The following CILP variants were observed in gnomAD, a reference collection of about 807,000 sequenced individuals.
CILP encodes cartilage intermediate layer protein 1.
In CILP, 75 loss-of-function variants were observed where a neutral mutation model predicts 82.5. The observed-to-expected ratio is 0.91, with a 90% CI of 0.75 to 1.10. The LOEUF (loss-of-function observed/expected upper bound fraction) is 1.10. CILP is among the 50% of genes least tolerant of loss of function. The probability of loss-of-function intolerance (pLI) is 0.00; values close to 1 mark genes in which losing one functional copy is unlikely to be tolerated. For synonymous variants in CILP, 530 were observed against 580.3 expected, an observed-to-expected ratio of 0.91 and a Z score of 1.25; for missense variants, 1,479 against 1,530.8, an observed-to-expected ratio of 0.97 and a Z score of 0.56.
In CILP at chr15:65,201,880, A is replaced by G; in HGVS notation, c.1178T>C (p.Ile393Thr). The G allele has an allele frequency of 6.5e-7, 1 of 1,549,380 alleles. No homozygotes were observed. The highest frequency in any genetic ancestry group is 1.2e-5 in the South Asian group (1 of 81,064). The change falls in exon 8 of 9, where the codon ATT becomes ACT. Residue 393 changes from isoleucine (I) to threonine (T), a missense_variant. By Grantham distance (89) the Ile-to-Thr change is moderately conservative. Transcript: ENST00000261883. ...GACCCAGACAGGCTTACCTATGACA[A>G]TCAGCTGGGCAACCTTGGACTTCAC... is the stretch of plus-strand genomic sequence containing the variant. ...GAVKSKVAQL[I>T]VIASDETPCN...
In CILP at chr15:65,201,977, G is replaced by C. The variant is rs772772706; in HGVS notation, c.1081C>G (p.Leu361Val). 6.2e-7 allele frequency: 1 copy of C among 1,605,566 alleles called. No homozygotes were observed. Among genetic ancestry groups the C allele is most frequent in the East Asian group, 2.3e-5 (1 of 43,908 alleles). Residue 361 changes from leucine to valine, a missense_variant, in exon 8 of 9, where the codon CTG becomes GTG. Physicochemically the swap from Leu to Val is conservative, Grantham distance 32. Coordinates refer to ENST00000261883, the MANE Select transcript of CILP (RefSeq NM_003613.4). Reference protein sequence around the residue: ...DPSLYKHESKLVLRKLQQHQA... With the variant: ...DPSLYKHESKVVLRKLQQHQA... ...TGCTGCTGCAGTTTCCTCAGCACCAGCTTGCTCTCATGCTTGTAGAGGGAA... is the reference window on the plus strand; with the variant it reads ...TGCTGCTGCAGTTTCCTCAGCACCACCTTGCTCTCATGCTTGTAGAGGGAA...
chr15:65,206,454 T>C (rs2088518238), intron 4 of CILP, among the ~76,000 whole-genome samples: 1 of 152,138 alleles, frequency 6.6e-6, no homozygotes. Flanking sequence ...CACATCATAT[T>C]GCGGGCTCAG....
intron 5 of CILP, among the ~76,000 whole-genome samples, chr15:65,204,851 T>G (rs1182969676): frequency 2.0e-5 from 3 of 152,092 alleles, no homozygotes; most frequent in Non-Finnish European, 4.4e-5. Flanking sequence ...AAACCTTGTC[T>G]CTACAAAAAA....
rs146865050 is a variant in CILP, at chr15:65,204,483, C to T, written c.704G>A (p.Gly235Asp). ...GATAGCAGCCCCTGAGGCTGGGGCACCTCCGGGAAGGGAGACAGCCCCATG... is the reference window on the plus strand; with the variant it reads ...GATAGCAGCCCCTGAGGCTGGGGCATCTCCGGGAAGGGAGACAGCCCCATG... ...MLHGAVSLPG[G>D]APASGAAIYL... Residue 235 changes from glycine (G) to aspartate (D), a missense_variant, in exon 6 of 9, where the codon GGT (glycine) becomes GAT (aspartate). Coordinates refer to ENST00000261883, the MANE Select transcript of CILP (RefSeq NM_003613.4). 3.7e-5 allele frequency: 60 copies of T among 1,613,808 alleles called. No homozygotes were observed. Among genetic ancestry groups the T allele is most frequent in the Non-Finnish European group, 4.8e-5 (57 of 1,179,958 alleles).
At position 65,196,587 on chromosome 15, in the gene CILP, C is replaced by T; in HGVS notation, c.*144G>A. On this transcript the variant is annotated 3_prime_UTR_variant, in exon 9 of 9. Transcript: ENST00000261883. The stretch of plus-strand genomic sequence containing the variant: ...CCACGTGCCAATCAGTAGCATGGGA[C>T]AAAGTAAGTAAAGGCATGAAGAAAC... 1.4e-6 allele frequency: 1 copy of T among 700,766 alleles called. No individual in the cohort carries two copies. The allele number at this position is 700,766 out of a possible 1,614,324, so 43.4% of individuals were successfully genotyped here. A position where few individuals can be genotyped will look rare whatever the true frequency, so the allele number is the denominator to read the frequency against.
intron 4 of CILP, 61 bp downstream of exon 4, chr15:65,206,721 C>T: frequency 6.5e-7 from 1 of 1,549,264 alleles, no homozygotes; most frequent in Non-Finnish European, 8.7e-7. Context: ...GCAGGTTCTC[C>T]CTCTCCCTGA....
At chr15:65,208,369 T>C (rs890381887) in intron 2 of CILP, among the ~76,000 whole-genome samples, 2 of 152,204 alleles carry the variant, frequency 1.3e-5, no homozygotes, top group Non-Finnish European at 2.9e-5. Flanking sequence ...CCATGTTCTT[T>C]CATCATAAAA....
chr15:65,196,618 A>T lies in CILP; in HGVS notation c.*113T>A, dbSNP rs2088364276. The T allele has an allele frequency of 1.0e-6, 1 of 976,772 alleles. No homozygotes were observed. Among genetic ancestry groups the T allele is most frequent in the African/African-American group, 1.6e-5 (1 of 61,320 alleles). The allele number at this position is 976,772 out of a possible 1,614,324, so 60.5% of individuals were successfully genotyped here. On this transcript the variant is annotated 3_prime_UTR_variant, in exon 9 of 9. Coordinates refer to ENST00000261883, the MANE Select transcript of CILP (RefSeq NM_003613.4). ...AAGTAAAGGCATGAAGAAACAAACA[A>T]GCAAATTCACGAAAACAGAAGTGCT...
intron 7 of CILP, among the ~76,000 whole-genome samples, chr15:65,203,003 T>C (rs2088476967): frequency 6.6e-6 from 1 of 151,950 alleles, no homozygotes; most frequent in Non-Finnish European, 1.5e-5. Flanking sequence ...ACCTGGCTAA[T>C]TTTTTGCATT....
rs897760452 is a variant in CILP, at chr15:65,198,678, C to A, written c.1608G>T (p.Arg536Ser). Residue 536 changes from arginine (R) to serine (S), a missense_variant, in exon 9 of 9, where the codon AGG (arginine) becomes AGT (serine). Physicochemically the swap from Arg to Ser is moderately radical, Grantham distance 110 (BLOSUM62 -1). Coordinates refer to ENST00000261883, the MANE Select transcript of CILP (RefSeq NM_003613.4). ...GCCTGTCCACAAATGTGAGCACCAG[C>A]CTCTCAGTGTCCTGGGGGACATGGA... ...FTLHVPQDTE[R>S]LVLTFVDRLQ... 1.2e-6 allele frequency: 2 copies of A among 1,614,124 alleles called. No homozygotes were observed.
chr15:65,209,833 C>G lies in CILP; in HGVS notation c.-78G>C. 7.5e-7 allele frequency: 1 copy of G among 1,327,330 alleles called. No individual in the cohort carries two copies. Among genetic ancestry groups the G allele is most frequent in the Non-Finnish European group, 1.1e-6 (1 of 925,580 alleles). The allele number at this position is 1,327,330 out of a possible 1,614,324, so 82.2% of individuals were successfully genotyped here. A position where few individuals can be genotyped will look rare whatever the true frequency, so the allele number is the denominator to read the frequency against. On this transcript the variant is annotated 5_prime_UTR_variant, in exon 2 of 9. Transcript: ENST00000261883. Reference sequence around the variant, plus strand: ...AGAGTCACTGACTCTGGAATGCGGTCCCCTGGGAAGTTTCTCAGATCCAGT... The same window carrying G: ...AGAGTCACTGACTCTGGAATGCGGTGCCCTGGGAAGTTTCTCAGATCCAGT...
At chr15:65,200,447 T>C (rs1236069053) in intron 8 of CILP, among the ~76,000 whole-genome samples, 2 of 31,568 alleles carry the variant, frequency 6.3e-5, no homozygotes, top group Admixed American at 8.6e-4. Flanking sequence ...ATTCTGTCCT[T>C]CTCTGCGTTT....
chr15:65,208,510 G>T (rs576651730), intron 2 of CILP, among the ~76,000 whole-genome samples: 2 of 152,282 alleles, frequency 1.3e-5, no homozygotes, highest in South Asian at 2.1e-4. Flanking sequence ...TTAGCTCAAC[G>T]CCAGAATAGA....
rs749769430 is a variant in CILP, at chr15:65,205,417, C to T, written c.474G>A (p.Trp158Ter). The change falls in exon 5 of 9, where the codon TGG (tryptophan) becomes TGA (stop). Residue 158 changes from tryptophan (W) to a stop codon, truncating the protein, a stop_gained. Transcript: ENST00000261883. LOFTEE classifies it high-confidence loss of function. ...TERIWSPWSP[W>*]SKCSAACGQT... ...GACCACAGGCAGCTGAGCACTTGCTCCAGGGAGACCATGGGCTCCAGATGC... is the reference window on the plus strand; with the variant it reads ...GACCACAGGCAGCTGAGCACTTGCTTCAGGGAGACCATGGGCTCCAGATGC... 1.2e-6 allele frequency: 2 copies of T among 1,613,956 alleles called. No individual in the cohort carries two copies. The highest frequency in any genetic ancestry group is 4.5e-5 in the East Asian group (2 of 44,868).
chr15:65,197,914 C>T lies in CILP; in HGVS notation c.2372G>A (p.Arg791Lys). The part of the protein sequence containing the change: ...EPRTGFLSNP[R>K]AWGRFDSVIT... Reference sequence around the variant, plus strand: ...GACACTGTCAAAGCGGCCCCAGGCCCTAGGGTTGGACAAGAAGCCAGTTCT... The same window carrying T: ...GACACTGTCAAAGCGGCCCCAGGCCTTAGGGTTGGACAAGAAGCCAGTTCT... Residue 791 changes from arginine to lysine, a missense_variant, in exon 9 of 9, where the codon AGG (arginine) becomes AAG (lysine). By Grantham distance (26) the Arg-to-Lys change is conservative. Transcript: ENST00000261883. The T allele has an allele frequency of 1.2e-6, 2 of 1,614,132 alleles. No individual in the cohort carries two copies. Among genetic ancestry groups the T allele is most frequent in the Non-Finnish European group, 1.7e-6 (2 of 1,180,026 alleles).
chr15:65,196,957 T>C lies in CILP; in HGVS notation c.3329A>G (p.Asn1110Ser), dbSNP rs137992673. 124 of 1,613,970 alleles carry C rather than the reference T, an allele frequency of 7.7e-5. No individual in the cohort carries two copies. The African/African-American group carries it at 1.6e-3, about 21-fold the overall frequency. ...SDGSSRIMKS[N>S]VGVALTFNCV... ...GTTGAAGGTGAGGGCTACTCCCACA[T>C]TGCTCTTCATGATTCTGGAGGAGCC... Residue 1110 changes from asparagine to serine, a missense_variant, in exon 9 of 9, where the codon AAT (asparagine) becomes AGT (serine). By Grantham distance (46) the Asn-to-Ser change is conservative. Coordinates refer to ENST00000261883, the MANE Select transcript of CILP (RefSeq NM_003613.4).
chr15:65,197,032 C>A lies in CILP; in HGVS notation c.3254G>T (p.Arg1085Leu). 2 of 1,614,158 alleles carry A rather than the reference C, an allele frequency of 1.2e-6. No individual in the cohort carries two copies. The highest frequency in any genetic ancestry group is 1.1e-5 in the South Asian group (1 of 91,086). The change falls in exon 9 of 9, where the codon CGC becomes CTC. Residue 1085 changes from arginine to leucine, a missense_variant. Transcript: ENST00000261883. ...GIYTVTDQDP[R>L]TAKEIALGRC... Reference sequence around the variant, plus strand: ...GCCGAGCGCGATCTCCTTGGCCGTGCGAGGGTCCTGGTCAGTGACAGTGTA... The same window carrying A: ...GCCGAGCGCGATCTCCTTGGCCGTGAGAGGGTCCTGGTCAGTGACAGTGTA...
At position 65,205,361 on chromosome 15, in the gene CILP, C is replaced by A; in HGVS notation, c.530G>T (p.Cys177Phe). Residue 177 changes from cysteine to phenylalanine, a missense_variant, in exon 5 of 9, where the codon TGC becomes TTC. Transcript: ENST00000261883. The part of the protein sequence containing the change: ...QTGVQTRTRI[C>F]LAEMVSLCSE... ...GCACAGCGACACCATCTCTGCCAAG[C>A]AAATGCGTGTGCGAGTCTGGACCCC... The A allele has an allele frequency of 6.2e-7, 1 of 1,614,166 alleles. No homozygotes were observed. Among genetic ancestry groups the A allele is most frequent in the South Asian group, 1.1e-5 (1 of 91,090 alleles).
At chr15:65,205,743 T>G (rs2088512104) in intron 4 of CILP, among the ~76,000 whole-genome samples, 1 of 152,172 alleles carries the variant, frequency 6.6e-6, no homozygotes, top group African/African-American at 2.4e-5. Context: ...TGTCCTAGGA[T>G]GTGCAGGGAT....
Sources: allele counts gnomAD v4.1 joint callset (sites outside exome capture counted in the v4.1 genomes callset), GRCh38; gene constraint gnomAD v4.1.1; transcripts MANE v1.5; gene names NCBI Gene and HGNC (gene_info 2026-07-23, HGNC 2026-07-21).